Variants in CTNNA1 observed in about 807,000 individuals in gnomAD.
CTNNA1 encodes the protein catenin alpha-1.
In CTNNA1, 37 loss-of-function variants were observed where a neutral mutation model predicts 98.4. The observed-to-expected ratio is 0.38, with a 90% CI of 0.29 to 0.49. The LOEUF (loss-of-function observed/expected upper bound fraction) is 0.49, where lower values mean the gene tolerates loss of function less well. Ranked by LOEUF, CTNNA1 falls within the 20% of genes least tolerant of loss-of-function variation. The probability of loss-of-function intolerance (pLI) is 0.95; values close to 1 mark genes in which losing one functional copy is unlikely to be tolerated. For synonymous variants in CTNNA1, 404 were observed against 413.2 expected (o/e 0.98, Z 0.27); for missense variants, 761 against 1,147.2 (o/e 0.66, Z 4.86).
intron 16 of CTNNA1, chr5:138,931,798 CTCCA>C (rs1765408490): frequency 1.0e-6 from 1 of 985,424 alleles, no homozygotes. Flanking sequence ...TACAGCTCAT[CTCCA>C]GTATGGTCTG....
chr5:138,784,011 A>G (rs964342490), intron 3 of CTNNA1, among the ~76,000 whole-genome samples: 7 of 152,240 alleles, frequency 4.6e-5, no homozygotes, highest in African/African-American at 1.7e-4. Flanking sequence ...AATTGTCCTT[A>G]TTATGTTACA....
At chr5:138,889,687 G>A (rs1270868345) in intron 9 of CTNNA1, among the ~76,000 whole-genome samples, 1 of 118,384 alleles carries the variant, frequency 8.4e-6, no homozygotes, top group Non-Finnish European at 1.6e-5. Flanking sequence ...GCTCAGTTCT[G>A]ACCCCTTTCT....
rs2149785567 is a variant in CTNNA1 at position 138,827,556 on chromosome 5, C to T, written c.900C>T (p.Arg300=). ...IVDPLSFSEE[R]FRPSLEERLE... ...ACCCCTTGAGCTTCAGCGAGGAGCG[C>T]TTTAGGCCTTCCCTGGAGGAGCGTC... The change falls in exon 7 of 18, where the codon CGC becomes CGT. Residue 300 remains arginine, a synonymous_variant. Transcript: ENST00000302763. 1.2e-6 allele frequency: 2 copies of T among 1,614,246 alleles called. No homozygotes were observed. Among genetic ancestry groups the T allele is most frequent in the Non-Finnish European group, 8.5e-7 (1 of 1,180,048 alleles).
intron 7 of CTNNA1, among the ~76,000 whole-genome samples, chr5:138,867,755 T>G (rs1265777227): frequency 6.6e-6 from 1 of 151,474 alleles, no homozygotes; most frequent in Admixed American, 6.6e-5. Flanking sequence ...TTCTTTTTTT[T>G]TTTTTCTTTT....
chr5:138,931,807 G>A, intron 16 of CTNNA1: 1 of 985,486 alleles, frequency 1.0e-6, no homozygotes, highest in Non-Finnish European at 1.2e-6. Flanking sequence ...TCTCCAGTAT[G>A]GTCTGCGGGG....
chr5:138,886,897 T>C (rs1039596641), intron 8 of CTNNA1, among the ~76,000 whole-genome samples: 2 of 152,160 alleles, frequency 1.3e-5, no homozygotes, highest in African/African-American at 4.8e-5. Flanking sequence ...TAAGAAGTTG[T>C]AATACAGACA....
chr5:138,872,888 G>A (rs1020214984), intron 7 of CTNNA1: 5 of 615,006 alleles, frequency 8.1e-6, no homozygotes, highest in Non-Finnish European at 1.3e-5. Flanking sequence ...CAAAAACTAA[G>A]TCTCCACTTA....
At position 138,782,111 on chromosome 5, in the gene CTNNA1, T is replaced by C. The variant is rs937844235; in HGVS notation, c.105+82T>C. The C allele has an allele frequency of 9.0e-6, 12 of 1,331,056 alleles. No individual in the cohort carries two copies. The African/African-American group carries it at 1.8e-4, about 20-fold the overall frequency. The allele number at this position is 1,331,056 out of a possible 1,614,324, so 82.5% of individuals were successfully genotyped here. On this transcript the variant is annotated intron_variant, in intron 2 of 17. Coordinates refer to ENST00000302763, the MANE Select transcript of CTNNA1 (RefSeq NM_001903.5). Reference sequence around the variant, plus strand: ...TAACAACCATAAGAGCAAGGTTATTTAGTTCAAAGCCTTAATTCCAGTACT... The same window carrying C: ...TAACAACCATAAGAGCAAGGTTATTCAGTTCAAAGCCTTAATTCCAGTACT...
intron 3 of CTNNA1, among the ~76,000 whole-genome samples, chr5:138,809,703 A>G (rs1387470541): frequency 6.6e-6 from 1 of 151,900 alleles, no homozygotes; most frequent in Non-Finnish European, 1.5e-5. Context: ...CTCCTGTTCA[A>G]ATCTTGAATT....
At chr5:138,900,739 TCTG>T (rs1757856624) in intron 9 of CTNNA1, among the ~76,000 whole-genome samples, 1 of 152,204 alleles carries the variant, frequency 6.6e-6, no homozygotes, top group African/African-American at 2.4e-5. Context: ...AATCTGTTGA[TCTG>T]ACACAGGGGG....
At chr5:138,875,066 G>T in intron 7 of CTNNA1, 1 of 667,784 alleles carries the variant, frequency 1.5e-6, no homozygotes. Flanking sequence ...AGGACGAGTT[G>T]TTTTTTCCTT....
intron 7 of CTNNA1, among the ~76,000 whole-genome samples, chr5:138,857,203 A>G (rs569496283): frequency 6.6e-6 from 1 of 152,090 alleles, no homozygotes; most frequent in Non-Finnish European, 1.5e-5. Flanking sequence ...GCCAGAATAC[A>G]TCTCTCTAAG....
At chr5:138,918,662 CAG>C (rs1351072820) in intron 11 of CTNNA1, among the ~76,000 whole-genome samples, 2 of 152,172 alleles carry the variant, frequency 1.3e-5, no homozygotes, top group Non-Finnish European at 2.9e-5. Context: ...GTTTATCACA[CAG>C]AGATAAATTT....
At chr5:138,898,165 C>T (rs948786200) in intron 9 of CTNNA1, among the ~76,000 whole-genome samples, 1 of 145,434 alleles carries the variant, frequency 6.9e-6, no homozygotes, top group South Asian at 2.4e-4. Context: ...CCCACCCCCC[C>T]CCACCCCTTC....
At chr5:138,818,084 T>G (rs535203808) in intron 5 of CTNNA1, among the ~76,000 whole-genome samples, 1 of 152,028 alleles carries the variant, frequency 6.6e-6, no homozygotes, top group South Asian at 2.1e-4. Context: ...GCCTAGATTT[T>G]AAATTCTTTT....
intron 13 of CTNNA1, among the ~76,000 whole-genome samples, chr5:138,927,015 T>A (rs994174244): frequency 6.6e-6 from 1 of 152,162 alleles, no homozygotes; most frequent in Non-Finnish European, 1.5e-5. Flanking sequence ...ATACCTCACA[T>A]CTGCTTTATC....
rs966622805 is a variant in CTNNA1 at position 138,774,830 on chromosome 5, T to G, written c.-2-7093T>G. 1.6e-4 allele frequency among the ~76,000 whole-genome samples: 24 copies of G among 151,670 alleles called. 1 individual carries two copies. Among genetic ancestry groups the G allele is most frequent in the Admixed American group, 1.6e-3 (24 of 15,238 alleles). ...TAGAGACGGGGTTTCACCGTGGTCTTGATCTCCTGACCTCGTGATCCGCCC... is the reference window on the plus strand; with the variant it reads ...TAGAGACGGGGTTTCACCGTGGTCTGGATCTCCTGACCTCGTGATCCGCCC... On this transcript the variant is annotated intron_variant, in intron 1 of 17. Coordinates refer to ENST00000302763, the MANE Select transcript of CTNNA1 (RefSeq NM_001903.5).
At chr5:138,792,712 A>G (rs28363386) in intron 3 of CTNNA1, among the ~76,000 whole-genome samples, 268 of 152,338 alleles carry the variant, frequency 1.8e-3, no homozygotes, top group African/African-American at 6.2e-3. Context: ...TTTTCACAAG[A>G]GAAAAATGAC....
At chr5:138,788,728 A>T (rs1755996699) in intron 3 of CTNNA1, among the ~76,000 whole-genome samples, 1 of 152,240 alleles carries the variant, frequency 6.6e-6, no homozygotes, top group Non-Finnish European at 1.5e-5. Flanking sequence ...GGGGACAGAG[A>T]TGAGAAGACC....
Sources: gnomAD v4.1 joint callset for allele counts (sites outside exome capture counted in the v4.1 genomes callset) on GRCh38, gnomAD v4.1.1 for gene constraint, MANE v1.5 for transcripts, NCBI Gene and HGNC (gene_info 2026-07-23, HGNC 2026-07-21) for gene names.